Variants in AKAP9 observed in about 807,000 individuals in gnomAD.
The protein encoded by AKAP9 is A-kinase anchor protein 9.
A neutral mutation model predicts 488.5 loss-of-function variants in AKAP9; 311 were observed. The observed-to-expected ratio is 0.64, with a 90% CI of 0.58 to 0.70. The LOEUF (loss-of-function observed/expected upper bound fraction) is 0.70, where lower values mean the gene tolerates loss of function less well. AKAP9 is among the 30% of genes least tolerant of loss of function. The pLI is 0.00. For synonymous variants in AKAP9, 1,462 were observed against 1,483.5 expected (o/e 0.99, Z 0.33); for missense variants, 4,215 against 4,374.5 (o/e 0.96, Z 1.03).
At chr7:92,034,927 ATTG>A (rs1804943077) in intron 16 of AKAP9, among the ~76,000 whole-genome samples, 1 of 151,808 alleles carries the variant, frequency 6.6e-6, no homozygotes, top group African/African-American at 2.4e-5. Context: ...TTTTTGTTTC[ATTG>A]TTGTTTTTAT....
At chr7:92,104,593 G>A (rs1417492351) in intron 46 of AKAP9, among the ~76,000 whole-genome samples, 1 of 152,140 alleles carries the variant, frequency 6.6e-6, no homozygotes, top group African/African-American at 2.4e-5. Flanking sequence ...GCAGGGAGCG[G>A]TTACAAAGCC....
chr7:91,998,012 T>A (rs531693466), intron 7 of AKAP9, among the ~76,000 whole-genome samples: 3 of 152,280 alleles, frequency 2.0e-5, no homozygotes, highest in African/African-American at 7.2e-5. Context: ...CAGGGCCAGT[T>A]TCGTGGAAGA....
Position 91,995,611 on chromosome 7 carries a change from T to C in AKAP9, c.741T>C (p.Ala247=). The C allele has an allele frequency of 6.2e-7, 1 of 1,613,972 alleles. No individual in the cohort carries two copies. The highest frequency in any genetic ancestry group is 8.5e-7 in the Non-Finnish European group (1 of 1,179,920). Residue 247 remains alanine, a synonymous_variant, in exon 7 of 50, where the codon GCT becomes GCC. Coordinates refer to ENST00000356239, the MANE Select transcript of AKAP9 (RefSeq NM_005751.5). The part of the protein sequence containing the change: ...KLQIQFQQLQ[A]SETLRNSTHS... ...TTTCTTTCTATTTTCAGTTACAGGC[T>C]AGTGAAACTCTGAGAAACAGCACTC...
At chr7:91,986,489 G>T (rs959215548) in intron 3 of AKAP9, among the ~76,000 whole-genome samples, 30 of 152,290 alleles carry the variant, frequency 2.0e-4, no homozygotes, top group African/African-American at 6.7e-4. Context: ...GCTCACGCTG[G>T]GAGCTGCAGA....
rs775340634 is a variant in AKAP9 at position 92,097,332 on chromosome 7, G to C, written c.10373G>C (p.Arg3458Thr). The C allele has an allele frequency of 2.5e-6, 4 of 1,613,488 alleles. No individual in the cohort carries two copies. In the East Asian group the frequency reaches 8.9e-5, roughly 36 times the overall value. Residue 3458 changes from arginine to threonine, a missense_variant, in exon 41 of 50, where the codon AGA (arginine) becomes ACA (threonine). Coordinates refer to ENST00000356239, the MANE Select transcript of AKAP9 (RefSeq NM_005751.5). ...LEREEKRESRRILYQNLNEPT... is the reference protein window; with the variant it reads ...LEREEKRESRTILYQNLNEPT... The stretch of plus-strand genomic sequence containing the variant: ...CGAGAAGAAAAACGAGAAAGTAGAA[G>C]AATTCTGTATCAGAACCTTAATGAG...
In AKAP9 at chr7:92,105,747, CT is replaced by C; in HGVS notation, c.11403del (p.Phe3801LeufsTer3). The C allele has an allele frequency of 6.2e-7, 1 of 1,613,870 alleles. No individual in the cohort carries two copies. The highest frequency in any genetic ancestry group is 1.3e-5 in the African/African-American group (1 of 75,030). On this transcript the variant is annotated frameshift_variant, in exon 47 of 50. Transcript: ENST00000356239. LOFTEE classifies it high-confidence loss of function. ...SVSININRDG[F>X]GLNQGAEKTD... ...TTTCCATCAATATTAACAGAGATGG[CT>C]TTGGACTGAATCAAGGTGAAGTCAA...
At chr7:92,012,362 A>T (rs1176700788) in intron 8 of AKAP9, 67 bp from the exon 9 acceptor site, 1 of 1,448,826 alleles carries the variant, frequency 6.9e-7, no homozygotes, top group African/African-American at 1.4e-5. Context: ...ATATGCAAAA[A>T]AAAGAAGTTA....
At position 92,044,095 on chromosome 7, in the gene AKAP9, G is replaced by A. The variant is rs76741001; in HGVS notation, c.5163-913G>A. Among the ~76,000 whole-genome samples, 3,850 of 152,148 alleles carry A rather than the reference G, an allele frequency of 0.025. 347 individuals carry two copies. The East Asian group carries it at 0.35, about 14-fold the overall frequency. ...GAGAGTGTACAAAAACACTTTGTTC[G>A]GGATGATCTCATTTTTGTTTTTAAA... is the stretch of plus-strand genomic sequence containing the variant. On this transcript the variant is annotated intron_variant, in intron 20 of 49. Coordinates refer to ENST00000356239, the MANE Select transcript of AKAP9 (RefSeq NM_005751.5).
At chr7:91,965,360 C>A (rs1224368367) in intron 1 of AKAP9, among the ~76,000 whole-genome samples, 1 of 152,142 alleles carries the variant, frequency 6.6e-6, no homozygotes, top group African/African-American at 2.4e-5. Flanking sequence ...CTGCGAATGA[C>A]AATTTGTTCT....
At chr7:92,109,123 A>G (rs2075882) in intron 49 of AKAP9, 27,527 of 235,492 alleles carry the variant, frequency 0.12, 2,145 homozygotes, top group East Asian at 0.34. Flanking sequence ...TACTTTAAGC[A>G]CTTAATGTAA....
intron 3 of AKAP9, among the ~76,000 whole-genome samples, chr7:91,991,067 A>G (rs960050221): frequency 1.3e-5 from 2 of 152,158 alleles, no homozygotes; most frequent in African/African-American, 4.8e-5. Context: ...TAGTGTATAT[A>G]GGGTTCAATA....
chr7:91,965,216 T>C (rs1017392877), intron 1 of AKAP9, among the ~76,000 whole-genome samples: 2 of 152,176 alleles, frequency 1.3e-5, no homozygotes, highest in Non-Finnish European at 2.9e-5. Flanking sequence ...TCCCAGTCTC[T>C]GGTAACCACC....
At chr7:91,953,797 A>T (rs1371165909) in intron 1 of AKAP9, among the ~76,000 whole-genome samples, 1 of 136,480 alleles carries the variant, frequency 7.3e-6, no homozygotes, top group Non-Finnish European at 1.6e-5. Flanking sequence ...TTCTAATGTT[A>T]TTTCTTTACC....
In AKAP9 at chr7:91,941,059, C is replaced by T. The variant is rs1295295823; in HGVS notation, c.-41C>T. 6.3e-7 allele frequency: 1 copy of T among 1,590,048 alleles called. No individual in the cohort carries two copies. ...GACCTTTCCTTTCTATCCCCAACCA[C>T]CCCTCAACCCCTGTTTTCCCCTGCC... is the stretch of plus-strand genomic sequence containing the variant. On this transcript the variant is annotated 5_prime_UTR_variant, in exon 1 of 50. Transcript: ENST00000356239.
intron 14 of AKAP9, among the ~76,000 whole-genome samples, chr7:92,025,312 C>T (rs1584185954): frequency 6.6e-6 from 1 of 152,208 alleles, no homozygotes; most frequent in East Asian, 1.9e-4. Context: ...GCAAGCTCAC[C>T]ACCCTCTCTC....
At chr7:91,950,645 A>G (rs979929489) in intron 1 of AKAP9, among the ~76,000 whole-genome samples, 6 of 152,228 alleles carry the variant, frequency 3.9e-5, no homozygotes, top group African/African-American at 1.4e-4. Context: ...TCATGAATCA[A>G]ATTTTGTGTG....
In AKAP9 at chr7:92,092,038, A is replaced by T. The variant is rs1028029196; in HGVS notation, c.9359-1059A>T. 3.9e-5 allele frequency: 6 copies of T among 152,228 alleles called. No homozygotes were observed. The East Asian group carries it at 1.2e-3, about 29-fold the overall frequency. The allele number at this position is 152,228 out of a possible 1,614,324, so 9.4% of individuals were successfully genotyped here. A position where few individuals can be genotyped will look rare whatever the true frequency, so the allele number is the denominator to read the frequency against. On this transcript the variant is annotated intron_variant, in intron 38 of 49. Coordinates refer to ENST00000356239, the MANE Select transcript of AKAP9 (RefSeq NM_005751.5). The stretch of plus-strand genomic sequence containing the variant: ...TACAGAAAAGAATAGAGTGAAAATC[A>T]TCCCTTGAATCACCTAAATCCTAAA...
At position 92,001,055 on chromosome 7, in the gene AKAP9, C is replaced by G. The variant is rs1799097592; in HGVS notation, c.1138C>G (p.Leu380Val). 3.1e-6 allele frequency: 5 copies of G among 1,608,126 alleles called. No individual in the cohort carries two copies. The highest frequency in any genetic ancestry group is 4.2e-6 in the Non-Finnish European group (5 of 1,177,198). Residue 380 changes from leucine to valine, a missense_variant, in exon 8 of 50, where the codon CTG becomes GTG. Around this residue, in one of 5 missense-constraint regions of AKAP9, gnomAD observed 2,361 missense variants for 2,430.0 expected, o/e 0.97. Transcript: ENST00000356239. The stretch of plus-strand genomic sequence containing the variant: ...AGAAATAAAAAACATGAAATTAGAG[C>G]TGACTAATTCTAAGCAAAAAGAAAG... ...NQEIKNMKLE[L>V]TNSKQKERQS...
chr7:92,007,387 G>T (rs1391534038), intron 8 of AKAP9, among the ~76,000 whole-genome samples: 2 of 148,472 alleles, frequency 1.3e-5, no homozygotes, highest in South Asian at 2.1e-4. Flanking sequence ...AAGTAGGTGG[G>T]ATTACAGGTG....
Sources: allele counts gnomAD v4.1 joint callset (sites outside exome capture counted in the v4.1 genomes callset), GRCh38; gene constraint gnomAD v4.1.1; regional missense constraint gnomAD v4.1.1; transcripts MANE v1.5; gene names NCBI Gene and HGNC (gene_info 2026-07-23, HGNC 2026-07-21).